Variants in ZNF500 observed in about 807,000 individuals in gnomAD.
ZNF500 encodes zinc finger protein with KRAB and SCAN domains 18.
A neutral mutation model predicts 30.1 loss-of-function variants in ZNF500; 31 were observed. That is an observed-to-expected ratio of 1.03 (90% CI 0.77 to 1.39). The LOEUF (loss-of-function observed/expected upper bound fraction) is 1.39, where lower values mean the gene tolerates loss of function less well. Ranked by LOEUF, ZNF500 falls within the 40% of genes most tolerant of loss-of-function variation. ZNF500 has a pLI of 0.00. For missense variants in ZNF500, 817 were observed against 657.8 expected, an observed-to-expected ratio of 1.24 and a Z score of -2.65; for synonymous variants, 392 against 282.0, an observed-to-expected ratio of 1.39 and a Z score of -3.91.
At chr16:4,763,138 C>T (rs538189341) in intron 2 of ZNF500, 2 of 985,242 alleles carry the variant, frequency 2.0e-6, no homozygotes, top group Middle Eastern at 5.2e-4. Flanking sequence ...TGGCTCACAC[C>T]TGTAATTCCA....
At chr16:4,761,303 G>A (rs1020458698) in intron 4 of ZNF500, among the ~76,000 whole-genome samples, 5 of 151,886 alleles carry the variant, frequency 3.3e-5, no homozygotes, top group African/African-American at 1.2e-4. Context: ...AGCCAGGCAT[G>A]GTGGTGGGTG....
At chr16:4,745,010 A>C (rs1405230484), downstream of ZNF500, 2 of 1,612,952 alleles carry the variant, frequency 1.2e-6, no homozygotes, top group Non-Finnish European at 8.5e-7. Context: ...TTCAGGAAGC[A>C]GGTGGGACTT....
downstream of ZNF500, chr16:4,747,266 T>C: frequency 6.8e-7 from 1 of 1,474,164 alleles, no homozygotes. Context: ...TCATCTGCTT[T>C]TCTCCTGTTT....
At chr16:4,747,221 T>C, downstream of ZNF500, 2 of 1,326,712 alleles carry the variant, frequency 1.5e-6, no homozygotes, top group Non-Finnish European at 2.1e-6. Flanking sequence ...ATGGGCTGCC[T>C]GAATTGCATT....
At chr16:4,766,283 G>A (rs2141852916) in intron 1 of ZNF500, among the ~76,000 whole-genome samples, 1 of 152,230 alleles carries the variant, frequency 6.6e-6, no homozygotes, top group South Asian at 2.1e-4. Flanking sequence ...TCCTCACTGG[G>A]CAAACAGAGA....
Position 4,762,632 on chromosome 16 carries a change from T to C in ZNF500, c.539A>G (p.Gln180Arg), listed in dbSNP as rs767687449. The change falls in exon 3 of 6, where the codon CAG (glutamine) becomes CGG (arginine). Residue 180 changes from glutamine to arginine, a missense_variant. Physicochemically the swap from Gln to Arg is conservative, Grantham distance 43. Transcript: ENST00000219478. ...CCTGTGGCTCAGCTGGGCTGGGGGC[T>C]GCTGGCTGGAGAATCGAGCCTCTTC... ...LEEEARFSSQ[Q>R]PPAQLSHRPQ... is the part of the protein sequence containing the mutation. 8 of 1,614,022 alleles carry C rather than the reference T, an allele frequency of 5.0e-6. No individual in the cohort carries two copies. In the Admixed American group the frequency reaches 6.7e-5, roughly 13 times the overall value.
At chr16:4,745,087 A>G, downstream of ZNF500, 3 of 1,530,116 alleles carry the variant, frequency 2.0e-6, no homozygotes, top group Non-Finnish European at 2.7e-6. Context: ...GACTGGGCCT[A>G]CCAAGGGCGG....
rs1470657768 is a variant in ZNF500, at chr16:4,754,642, C to T, written c.761-1584G>A. ...TCGTGCCACTGCACTCCAGCCTGGG[C>T]GACAGAGCGAGACTCTGTCTCAAAA... On this transcript the variant is annotated intron_variant, in intron 5 of 5. Coordinates refer to ENST00000219478, the MANE Select transcript of ZNF500 (RefSeq NM_021646.4). Among the ~76,000 whole-genome samples, 6 of 145,408 alleles carry T rather than the reference C, an allele frequency of 4.1e-5. No homozygotes were observed. In the East Asian group the frequency reaches 6.0e-4, roughly 15 times the overall value.
In ZNF500 at chr16:4,752,763, A is replaced by C. The variant is rs750205637; in HGVS notation, c.1056T>G (p.Pro352=). 6.2e-7 allele frequency: 1 copy of C among 1,614,018 alleles called. No homozygotes were observed. The highest frequency in any genetic ancestry group is 2.2e-5 in the East Asian group (1 of 44,858). The change falls in exon 6 of 6, where the codon CCT becomes CCG. Residue 352 remains proline, a synonymous_variant. Coordinates refer to ENST00000219478, the MANE Select transcript of ZNF500 (RefSeq NM_021646.4). The part of the protein sequence containing the change: ...KHQRTHTGER[P]YKCLVCGKGF... ...CCTTCCCACAGACTAGGCACTTGTA[A>C]GGCCGCTCGCCCGTGTGTGTGCGCT... is the stretch of plus-strand genomic sequence containing the variant.
chr16:4,758,729 C>T (rs1193377202), intron 5 of ZNF500, among the ~76,000 whole-genome samples: 2 of 152,172 alleles, frequency 1.3e-5, no homozygotes, highest in Non-Finnish European at 2.9e-5. Context: ...AGGTGGAGAA[C>T]CCCTGCTCTG....
chr16:4,762,219 A>C, intron 4 of ZNF500, 52 bp downstream of exon 4: 1 of 1,583,538 alleles, frequency 6.3e-7, no homozygotes, highest in Non-Finnish European at 8.6e-7. Context: ...TGTGACACAC[A>C]GGAGGTCGGG....
At chr16:4,745,279 C>G (rs2082000355), downstream of ZNF500, among the ~76,000 whole-genome samples, 1 of 152,182 alleles carries the variant, frequency 6.6e-6, no homozygotes, top group Admixed American at 6.5e-5. Flanking sequence ...CAACGGGAAC[C>G]CTCCTTTCAA....
Position 4,762,580 on chromosome 16 carries a change from T to C in ZNF500, c.591A>G (p.Pro197=). 1 of 1,612,442 alleles carries C rather than the reference T, an allele frequency of 6.2e-7. No individual in the cohort carries two copies. The highest frequency in any genetic ancestry group is 8.5e-7 in the Non-Finnish European group (1 of 1,179,268). ...HRPQRGPLLW[P]ERGPPAPRHQ... ...CAAAGGGGTGCTACTCACCTCTCTC[T>C]GGCCACAACAGCGGGCCCCTCTGTG... Residue 197 remains proline, a synonymous_variant, in exon 3 of 6, where the codon CCA becomes CCG. Coordinates refer to ENST00000219478, the MANE Select transcript of ZNF500 (RefSeq NM_021646.4).
chr16:4,751,431 G>A lies in ZNF500; in HGVS notation c.*945C>T. 1.4e-6 allele frequency: 1 copy of A among 731,382 alleles called. No homozygotes were observed. The highest frequency in any genetic ancestry group is 3.0e-5 in the Admixed American group (1 of 33,068). 45.3% of individuals were successfully genotyped at this position (731,382 alleles called of 1,614,324 possible). Reference sequence around the variant, plus strand: ...CACATCCCAGGCAACATGTCAGGAAGATGGAACTCAGGGGTGCTTTCCCGC... The same window carrying A: ...CACATCCCAGGCAACATGTCAGGAAAATGGAACTCAGGGGTGCTTTCCCGC... On this transcript the variant is annotated 3_prime_UTR_variant, in exon 6 of 6. Transcript: ENST00000219478.
intron 4 of ZNF500, among the ~76,000 whole-genome samples, chr16:4,760,931 C>A (rs369997288): frequency 2.0e-5 from 3 of 152,118 alleles, no homozygotes; most frequent in Non-Finnish European, 4.4e-5. Flanking sequence ...GACCCCATTG[C>A]GGCAGACGGG....
In ZNF500 at chr16:4,752,607, G is replaced by T; in HGVS notation, c.1212C>A (p.Ser404Arg). ...GGGTGCAGGCATAGGGCCGCTCCCC[G>T]CTGTGTGTCCTGCGGTGGATGACCA... Reference protein sequence around the residue: ...SSLVIHRRTHSGERPYACTQC... With the variant: ...SSLVIHRRTHRGERPYACTQC... The change falls in exon 6 of 6, where the codon AGC becomes AGA. Residue 404 changes from serine (S) to arginine (R), a missense_variant. Physicochemically the swap from Ser to Arg is moderately radical, Grantham distance 110. Transcript: ENST00000219478. The T allele has an allele frequency of 6.2e-7, 1 of 1,601,606 alleles. No individual in the cohort carries two copies.
At chr16:4,754,495 T>C (rs62036065) in intron 5 of ZNF500, among the ~76,000 whole-genome samples, 39 of 151,794 alleles carry the variant, frequency 2.6e-4, no homozygotes, top group Non-Finnish European at 5.0e-4. Flanking sequence ...CCCCATTTTA[T>C]TTTATTAAAA....
At position 4,766,059 on chromosome 16, in the gene ZNF500, AG is replaced by A; in HGVS notation, c.-82del. On this transcript the variant is annotated 5_prime_UTR_variant, in exon 2 of 6. Transcript: ENST00000219478. ...TATACCTCTGGCCAGACACAGGAAG[AG>A]AGTTTTTTTCAGGGCCCTGTGGAGA... 6.8e-7 allele frequency: 1 copy of A among 1,475,086 alleles called. No individual in the cohort carries two copies. Among genetic ancestry groups the A allele is most frequent in the Non-Finnish European group, 9.0e-7 (1 of 1,115,686 alleles). The allele number at this position is 1,475,086 out of a possible 1,614,324, so 91.4% of individuals were successfully genotyped here. A position where few individuals can be genotyped will look rare whatever the true frequency, so the allele number is the denominator to read the frequency against.
intron 5 of ZNF500, among the ~76,000 whole-genome samples, chr16:4,754,373 G>C (rs1231115002): frequency 2.0e-5 from 3 of 152,088 alleles, no homozygotes; most frequent in Non-Finnish European, 4.4e-5. Flanking sequence ...AAAAAACTGA[G>C]AGGAGGCCGG....
Sources: gnomAD v4.1 joint callset for allele counts (sites outside exome capture counted in the v4.1 genomes callset) on GRCh38, gnomAD v4.1.1 for gene constraint, MANE v1.5 for transcripts, NCBI Gene and HGNC (gene_info 2026-07-23, HGNC 2026-07-21) for gene names.